The following PTCHD4 variants were observed in gnomAD, a reference collection of about 807,000 sequenced individuals.
The protein encoded by PTCHD4 is patched domain containing 4, also known as patched domain-containing protein 4.
Under a neutral mutation model 58.1 loss-of-function variants are expected in PTCHD4, and 33 were observed. That is an observed-to-expected ratio of 0.57 (90% CI 0.43 to 0.76). PTCHD4 has a LOEUF of 0.76. PTCHD4 is among the 30% of genes least tolerant of loss of function. The pLI, the probability that PTCHD4 is intolerant of heterozygous loss-of-function variation, is 0.00. For missense variants in PTCHD4, 1,058 were observed against 1,027.1 expected, an observed-to-expected ratio of 1.03 and a Z score of -0.41; for synonymous variants, 478 against 409.6, an observed-to-expected ratio of 1.17 and a Z score of -2.02.
intron 1 of PTCHD4, among the ~76,000 whole-genome samples, chr6:48,078,118 TAGGTGATG>T (rs1320664798): frequency 6.6e-6 from 1 of 152,210 alleles, no homozygotes; most frequent in Non-Finnish European, 1.5e-5. Context: ...AGAATTTAAC[TAGGTGATG>T]ATTAAATTTT....
intron 3 of PTCHD4, among the ~76,000 whole-genome samples, chr6:48,009,802 T>C (rs977746978): frequency 6.6e-6 from 1 of 152,202 alleles, no homozygotes; most frequent in Non-Finnish European, 1.5e-5. Context: ...CTTTTCTTAT[T>C]GATGACAGTA....
intron 3 of PTCHD4, among the ~76,000 whole-genome samples, chr6:48,026,971 G>T (rs1763269373): frequency 6.6e-6 from 1 of 150,682 alleles, no homozygotes; most frequent in Non-Finnish European, 1.5e-5. Flanking sequence ...GTGGAGAAAA[G>T]ATGAGAGCCA....
intron 3 of PTCHD4, among the ~76,000 whole-genome samples, chr6:48,031,244 G>A (rs1304576995): frequency 1.3e-5 from 2 of 151,950 alleles, no homozygotes; most frequent in Non-Finnish European, 1.5e-5. Context: ...ATCCTAGTTT[G>A]CCTTCAGCAA....
intron 4 of PTCHD4, among the ~76,000 whole-genome samples, chr6:47,934,133 C>T (rs901209108): frequency 2.6e-5 from 4 of 152,128 alleles, no homozygotes; most frequent in African/African-American, 9.7e-5. Flanking sequence ...CCAGGCGAAA[C>T]TCCAACTAGC....
intron 1 of PTCHD4, among the ~76,000 whole-genome samples, chr6:48,090,993 A>T (rs1020130814): frequency 2.0e-5 from 3 of 152,148 alleles, no homozygotes; most frequent in Non-Finnish European, 4.4e-5. Flanking sequence ...ATTAAATTTT[A>T]TTTGAAAATT....
chr6:47,884,094 G>GTA (rs746797442), intron 4 of PTCHD4, among the ~76,000 whole-genome samples: 4 of 149,362 alleles, frequency 2.7e-5, no homozygotes, highest in African/African-American at 9.9e-5. Context: ...ATGTATGTAT[G>GTA]TGTGTGTGTG....
intron 3 of PTCHD4, among the ~76,000 whole-genome samples, chr6:48,042,712 A>T (rs962712001): frequency 6.6e-6 from 1 of 151,748 alleles, no homozygotes; most frequent in Non-Finnish European, 1.5e-5. Flanking sequence ...CAGTTTTCTT[A>T]TTTTTCTACC....
At chr6:47,885,270 G>C (rs76893980) in intron 4 of PTCHD4, among the ~76,000 whole-genome samples, 9,857 of 151,854 alleles carry the variant, frequency 0.065, 387 homozygotes, top group Middle Eastern at 0.099. Flanking sequence ...AATAATAAGG[G>C]GGTGTGTGTG....
At chr6:47,961,156 TGATTA>T (rs1222834269) in intron 4 of PTCHD4, among the ~76,000 whole-genome samples, 4 of 152,238 alleles carry the variant, frequency 2.6e-5, no homozygotes, top group African/African-American at 7.2e-5. Flanking sequence ...CTCTAAAATA[TGATTA>T]GATTAGAAAT....
At chr6:47,924,571 T>C (rs1581886313) in intron 4 of PTCHD4, among the ~76,000 whole-genome samples, 1 of 152,082 alleles carries the variant, frequency 6.6e-6, no homozygotes, top group South Asian at 2.1e-4. Context: ...GTCTCCCTTA[T>C]AGACGTGTAA....
intron 1 of PTCHD4, among the ~76,000 whole-genome samples, chr6:48,077,071 A>G (rs1481712328): frequency 6.6e-6 from 1 of 152,240 alleles, no homozygotes; most frequent in Non-Finnish European, 1.5e-5. Context: ...TTAACAAGTG[A>G]GCAGTAATAT....
intron 3 of PTCHD4, among the ~76,000 whole-genome samples, chr6:48,043,501 C>T (rs1763920827): frequency 6.6e-6 from 1 of 151,826 alleles, no homozygotes; most frequent in African/African-American, 2.4e-5. Context: ...TTATCTTAAT[C>T]TCAAAGTTTT....
At chr6:47,928,310 G>A (rs1765694157) in intron 4 of PTCHD4, among the ~76,000 whole-genome samples, 1 of 152,116 alleles carries the variant, frequency 6.6e-6, no homozygotes, top group Non-Finnish European at 1.5e-5. Flanking sequence ...TCTACAACTG[G>A]CACTGACAAT....
chr6:47,958,843 G>A (rs1028821560), intron 4 of PTCHD4, among the ~76,000 whole-genome samples: 1 of 152,246 alleles, frequency 6.6e-6, no homozygotes, highest in Admixed American at 6.5e-5. Context: ...GTGGGGCATT[G>A]GTACTATGTA....
rs748632708 is a variant in PTCHD4, at chr6:48,068,224, G to T, written c.417+6C>A. On this transcript the variant is annotated splice_donor_region_variant and intron_variant, in intron 3 of 4. Transcript: ENST00000339488. This position sits in a 1 kb window ranked among gnomAD's most constrained non-coding sequence, Gnocchi z 4.2. ...AAAAAGTATAATTATAGCCCTTGTG[G>T]TTCACCTTCATTTCCAGCACGGCTC... is the stretch of plus-strand genomic sequence containing the variant. The T allele has an allele frequency of 6.4e-7, 1 of 1,554,722 alleles. No homozygotes were observed. Among genetic ancestry groups the T allele is most frequent in the Non-Finnish European group, 8.7e-7 (1 of 1,149,720 alleles).
At chr6:48,065,888 ATG>A (rs1764778775) in intron 3 of PTCHD4, among the ~76,000 whole-genome samples, 1 of 152,212 alleles carries the variant, frequency 6.6e-6, no homozygotes, top group Non-Finnish European at 1.5e-5. Context: ...TGTTCTTTTT[ATG>A]CTATTATGAT....
In PTCHD4 at chr6:48,009,611, A is replaced by G. The variant is rs150381422; in HGVS notation, c.418-497T>C. On this transcript the variant is annotated intron_variant, in intron 3 of 4. Coordinates refer to ENST00000339488, the MANE Select transcript of PTCHD4 (RefSeq NM_001384253.1). Reference sequence around the variant, plus strand: ...AACACTGATACAAGTACACACAAACATGAATATTCTTATATATTCTCTATA... The same window carrying G: ...AACACTGATACAAGTACACACAAACGTGAATATTCTTATATATTCTCTATA... Among the ~76,000 whole-genome samples the G allele has an allele frequency of 4.4e-3, 676 of 152,346 alleles. 3 individuals carry two copies. The highest frequency in any genetic ancestry group is 6.6e-3 in the Non-Finnish European group (452 of 68,042).
chr6:47,901,616 A>T (rs960268070), intron 4 of PTCHD4: 12 of 1,067,560 alleles, frequency 1.1e-5, no homozygotes, highest in Non-Finnish European at 1.4e-5. Context: ...CAGGTGGGAG[A>T]TAGAAAAGAC....
intron 4 of PTCHD4, among the ~76,000 whole-genome samples, chr6:47,880,577 C>T (rs937123917): frequency 2.0e-5 from 3 of 151,658 alleles, no homozygotes; most frequent in South Asian, 2.1e-4. Context: ...GCAAGACCTT[C>T]GGGGTGAAAA....
Sources: gnomAD v4.1 joint callset for allele counts (sites outside exome capture counted in the v4.1 genomes callset) on GRCh38, gnomAD v4.1.1 for gene constraint, Gnocchi (gnomAD v3.1) non-coding constraint, MANE v1.5 for transcripts, NCBI Gene and HGNC (gene_info 2026-07-23, HGNC 2026-07-21) for gene names.